C1orf94: variants seen among roughly 807,000 people sequenced by gnomAD.
C1orf94 encodes the protein chromosome 1 open reading frame 94, also known as uncharacterized protein C1orf94.
Under a neutral mutation model 53.6 loss-of-function variants are expected in C1orf94, and 45 were observed. The observed-to-expected ratio is 0.84, with a 90% CI of 0.66 to 1.08. C1orf94 has a LOEUF of 1.08. Ranked by LOEUF, C1orf94 falls within the 50% of genes least tolerant of loss-of-function variation. The pLI is 0.00. For synonymous variants in C1orf94, 304 were observed against 296.1 expected (o/e 1.03, Z -0.27); for missense variants, 762 against 738.9 (o/e 1.03, Z -0.36).
intron 1 of C1orf94, among the ~76,000 whole-genome samples, chr1:34,185,464 G>C (rs1642371505): frequency 6.6e-6 from 1 of 152,204 alleles, no homozygotes; most frequent in South Asian, 2.1e-4. Context: ...ATAGGCGTGA[G>C]CCCTTGCACC....
rs1457605580 is a variant in C1orf94, at chr1:34,178,091, A to C, written c.302A>C (p.Glu101Ala). 9 of 1,551,368 alleles carry C rather than the reference A, an allele frequency of 5.8e-6. No individual in the cohort carries two copies. The highest frequency in any genetic ancestry group is 2.4e-5 in the South Asian group (2 of 84,048). The change falls in exon 1 of 7, where the codon GAG becomes GCG. Residue 101 changes from glutamate (E) to alanine (A), a missense_variant. Coordinates refer to ENST00000488417, the MANE Select transcript of C1orf94 (RefSeq NM_001134734.2). Reference sequence around the variant, plus strand: ...GTGGTTGGAACTCTAAGAGGCAATGAGCTCAGCTTTCAAGAAGAGTAAGTA... The same window carrying C: ...GTGGTTGGAACTCTAAGAGGCAATGCGCTCAGCTTTCAAGAAGAGTAAGTA... Reference protein sequence around the residue: ...VPVVGTLRGNELSFQEEALEL... With the variant: ...VPVVGTLRGNALSFQEEALEL...
chr1:34,168,167 G>A (rs1642079425), intron 1 of C1orf94, among the ~76,000 whole-genome samples: 2 of 152,174 alleles, frequency 1.3e-5, no homozygotes, highest in South Asian at 4.2e-4. Context: ...TAAGCAAGAT[G>A]CTCAGGAGGC....
chr1:34,202,296 C>A, intron 4 of C1orf94, 37 bp downstream of exon 4: 1 of 1,600,802 alleles, frequency 6.2e-7, no homozygotes, highest in Admixed American at 1.7e-5. Context: ...TGGACATCCA[C>A]GGGGGTTTTG....
Position 34,197,700 on chromosome 1 carries a change from A to G in C1orf94, c.796A>G (p.Thr266Ala). 6.2e-7 allele frequency: 1 copy of G among 1,614,174 alleles called. No homozygotes were observed. Among genetic ancestry groups the G allele is most frequent in the South Asian group, 1.1e-5 (1 of 91,072 alleles). ...GAATGTGCTGGACAAGACAAGGGTC[A>G]CCAAGGACTTCCTACAGGACAACCT... The part of the protein sequence containing the change: ...NKNVLDKTRV[T>A]KDFLQDNLFS... The change falls in exon 2 of 7, where the codon ACC becomes GCC. Residue 266 changes from threonine (T) to alanine (A), a missense_variant. Physicochemically the swap from Thr to Ala is moderately conservative, Grantham distance 58 (BLOSUM62 0). Transcript: ENST00000488417. The surrounding 1 kb of genome is among the most constrained non-coding windows in gnomAD (Gnocchi z 4.1).
intron 1 of C1orf94, among the ~76,000 whole-genome samples, chr1:34,195,320 T>C (rs959119834): frequency 6.6e-6 from 1 of 151,870 alleles, no homozygotes; most frequent in African/African-American, 2.4e-5. Flanking sequence ...ATGAGGCAGG[T>C]GATGTTAGGT....
chr1:34,169,477 A>G (rs1229771854), intron 1 of C1orf94, among the ~76,000 whole-genome samples: 1 of 152,240 alleles, frequency 6.6e-6, no homozygotes, highest in East Asian at 1.9e-4. Flanking sequence ...AGTTTGATTT[A>G]GAAAGAATAC....
rs748793632 is a variant in C1orf94, at chr1:34,200,894, T to C, written c.1132T>C (p.Ser378Pro). The change falls in exon 3 of 7, where the codon TCA (serine) becomes CCA (proline). Residue 378 changes from serine to proline, a missense_variant. Physicochemically the swap from Ser to Pro is moderately conservative, Grantham distance 74. Coordinates refer to ENST00000488417, the MANE Select transcript of C1orf94 (RefSeq NM_001134734.2). Reference sequence around the variant, plus strand: ...TTGCTGTGACGCAGTGGGCACCGCATCACTGACCCTGCCGCCCAAGAAACC... The same window carrying C: ...TTGCTGTGACGCAGTGGGCACCGCACCACTGACCCTGCCGCCCAAGAAACC... ...EGCCDAVGTASLTLPPKKPTC... is the reference protein window; with the variant it reads ...EGCCDAVGTAPLTLPPKKPTC... 55 of 1,613,964 alleles carry C rather than the reference T, an allele frequency of 3.4e-5. No individual in the cohort carries two copies. The highest frequency in any genetic ancestry group is 4.5e-5 in the Non-Finnish European group (53 of 1,180,010).
intron 1 of C1orf94, among the ~76,000 whole-genome samples, chr1:34,170,283 G>T (rs555933708): frequency 1.3e-5 from 2 of 152,294 alleles, no homozygotes; most frequent in Admixed American, 6.5e-5. Flanking sequence ...CATTCCCATG[G>T]CCCCTGTCCT....
At chr1:34,181,142 C>T (rs1642306484) in intron 1 of C1orf94, among the ~76,000 whole-genome samples, 1 of 152,168 alleles carries the variant, frequency 6.6e-6, no homozygotes, top group Admixed American at 6.5e-5. Flanking sequence ...TACTCCAAGC[C>T]AAATCTATGT....
intron 1 of C1orf94, among the ~76,000 whole-genome samples, chr1:34,191,769 A>C (rs547279629): frequency 2.8e-4 from 42 of 152,206 alleles, no homozygotes; most frequent in Middle Eastern, 3.4e-3. Flanking sequence ...AGCAGTTTTC[A>C]TCTTTGCTCT....
intron 1 of C1orf94, among the ~76,000 whole-genome samples, chr1:34,169,949 G>A (rs1642120629): frequency 6.6e-6 from 1 of 152,228 alleles, no homozygotes; most frequent in African/African-American, 2.4e-5. Context: ...GTGAGAAGGG[G>A]CCCACAGCCT....
chr1:34,170,480 G>A (rs1051430835), intron 1 of C1orf94, among the ~76,000 whole-genome samples: 3 of 152,166 alleles, frequency 2.0e-5, no homozygotes, highest in African/African-American at 7.2e-5. Flanking sequence ...GGAGGACACA[G>A]TGTGTAAATC....
intron 4 of C1orf94, among the ~76,000 whole-genome samples, chr1:34,203,409 G>T (rs1486754119): frequency 1.3e-5 from 2 of 152,092 alleles, no homozygotes; most frequent in South Asian, 2.1e-4. Context: ...GTACAGGGGT[G>T]AGCCACCGCA....
chr1:34,196,709 G>C (rs1642591170), intron 1 of C1orf94, among the ~76,000 whole-genome samples: 1 of 152,154 alleles, frequency 6.6e-6, no homozygotes, highest in Non-Finnish European at 1.5e-5. Flanking sequence ...GACTGGATCA[G>C]GGTGTAAGCT....
At chr1:34,212,673 A>C (rs1642915460) in intron 6 of C1orf94, among the ~76,000 whole-genome samples, 1 of 152,132 alleles carries the variant, frequency 6.6e-6, no homozygotes, top group Non-Finnish European at 1.5e-5. Flanking sequence ...TAACATATGG[A>C]TACCCCTACT....
chr1:34,190,017 T>G (rs1473461643), intron 1 of C1orf94, among the ~76,000 whole-genome samples: 1 of 152,114 alleles, frequency 6.6e-6, no homozygotes, highest in Admixed American at 6.5e-5. Flanking sequence ...GGAAGTCACA[T>G]GGGCCTGGGG....
At chr1:34,192,923 G>T (rs1346076949) in intron 1 of C1orf94, among the ~76,000 whole-genome samples, 1 of 152,124 alleles carries the variant, frequency 6.6e-6, no homozygotes, top group Non-Finnish European at 1.5e-5. Flanking sequence ...AATTTGTGTA[G>T]GGCATCATAA....
Position 34,192,611 on chromosome 1 carries a change from T to C in C1orf94, c.321-4614T>C, listed in dbSNP as rs551342620. 1.3e-3 allele frequency among the ~76,000 whole-genome samples: 193 copies of C among 151,470 alleles called. 1 individual carries two copies. The highest frequency in any genetic ancestry group is 4.6e-3 in the African/African-American group (190 of 41,258). On this transcript the variant is annotated intron_variant, in intron 1 of 6. Coordinates refer to ENST00000488417, the MANE Select transcript of C1orf94 (RefSeq NM_001134734.2). The stretch of plus-strand genomic sequence containing the variant: ...AGATAAAGTCCCTGCCCTTGTGGAG[T>C]AAGGACACAAAAAGGATATTATTAA...
chr1:34,208,256 C>G, intron 5 of C1orf94, 22 bp downstream of exon 5: 1 of 1,610,376 alleles, frequency 6.2e-7, no homozygotes, highest in South Asian at 1.1e-5. Context: ...ATCTCTCCTC[C>G]TCTGTCCTGG....
Sources: allele counts gnomAD v4.1 joint callset (sites outside exome capture counted in the v4.1 genomes callset), GRCh38; gene constraint gnomAD v4.1.1; non-coding constraint Gnocchi (gnomAD v3.1); transcripts MANE v1.5; gene names NCBI Gene and HGNC (gene_info 2026-07-23, HGNC 2026-07-21).